The following ADGRA3 variants were observed in gnomAD, a reference collection of about 807,000 sequenced individuals.
ADGRA3 encodes the protein adhesion G protein-coupled receptor A3.
Under a neutral mutation model 119.8 loss-of-function variants are expected in ADGRA3, and 56 were observed. The observed-to-expected ratio is 0.47, with a 90% CI of 0.38 to 0.58. ADGRA3 has a LOEUF of 0.58. Ranked by LOEUF, ADGRA3 falls within the 20% of genes least tolerant of loss-of-function variation. The pLI, the probability that ADGRA3 is intolerant of heterozygous loss-of-function variation, is 0.00. For synonymous variants in ADGRA3, 607 were observed against 623.8 expected, an observed-to-expected ratio of 0.97 and a Z score of 0.40; for missense variants, 1,516 against 1,649.0, an observed-to-expected ratio of 0.92 and a Z score of 1.40.
chr4:22,456,942 T>A (rs1288521508), intron 3 of ADGRA3, among the ~76,000 whole-genome samples: 2 of 152,206 alleles, frequency 1.3e-5, no homozygotes, highest in Non-Finnish European at 2.9e-5. Flanking sequence ...AAATCCCAGT[T>A]GATTTTCCTT....
intron 10 of ADGRA3, among the ~76,000 whole-genome samples, chr4:22,428,145 G>A (rs114300155): frequency 0.01 from 1,557 of 152,168 alleles, 13 homozygotes; most frequent in Middle Eastern, 0.048. Flanking sequence ...TAAACTTGAT[G>A]ATATTTAATG....
At chr4:22,425,925 A>G (rs1715913416) in intron 10 of ADGRA3, among the ~76,000 whole-genome samples, 1 of 152,220 alleles carries the variant, frequency 6.6e-6, no homozygotes, top group Non-Finnish European at 1.5e-5. Context: ...GCTGACCGTG[A>G]GTACCTAGCC....
intron 1 of ADGRA3, among the ~76,000 whole-genome samples, chr4:22,484,031 AACCTAAC>A (rs1198879091): frequency 1.3e-5 from 2 of 152,192 alleles, no homozygotes; most frequent in South Asian, 2.1e-4. Context: ...AAAAATGCAA[AACCTAAC>A]ACAGGCATCC....
Position 22,455,255 on chromosome 4 carries a change from C to T in ADGRA3, c.402-318G>A, listed in dbSNP as rs534011978. Among the ~76,000 whole-genome samples the T allele has an allele frequency of 3.9e-5, 6 of 152,192 alleles. No homozygotes were observed. The East Asian group carries it at 9.7e-4, about 25-fold the overall frequency. On this transcript the variant is annotated intron_variant, in intron 3 of 18. Transcript: ENST00000334304. ...GAGACTCAAACTATTTTGCTGCCTG[C>T]AATACAATTCCTTAGATGACCTACA...
chr4:22,420,509 T>C (rs190632504), intron 12 of ADGRA3: 73 of 259,534 alleles, frequency 2.8e-4, no homozygotes, highest in Non-Finnish European at 4.5e-4. Flanking sequence ...AGGCTCATGA[T>C]ACTTTTAGGG....
At chr4:22,502,286 G>C (rs1174371584) in intron 1 of ADGRA3, among the ~76,000 whole-genome samples, 1 of 152,176 alleles carries the variant, frequency 6.6e-6, no homozygotes, top group Non-Finnish European at 1.5e-5. Flanking sequence ...ACCAGAAGAG[G>C]AAGAAGTATG....
intron 14 of ADGRA3, among the ~76,000 whole-genome samples, chr4:22,410,165 A>T (rs2109019275): frequency 6.6e-6 from 1 of 152,330 alleles, no homozygotes; most frequent in East Asian, 1.9e-4. Context: ...CTCTAGTTTC[A>T]TATTTTTAGG....
intron 10 of ADGRA3, among the ~76,000 whole-genome samples, chr4:22,430,911 A>C (rs1459262271): frequency 6.6e-6 from 1 of 152,158 alleles, no homozygotes; most frequent in Non-Finnish European, 1.5e-5. Context: ...CCATGACTAA[A>C]AGGGGCCAAG....
chr4:22,405,748 T>C (rs1352952259), intron 14 of ADGRA3, among the ~76,000 whole-genome samples: 1 of 152,184 alleles, frequency 6.6e-6, no homozygotes, highest in African/African-American at 2.4e-5. Flanking sequence ...ATGTTTTTAT[T>C]GACACATAAT....
At chr4:22,426,198 A>G (rs370512309) in intron 10 of ADGRA3, among the ~76,000 whole-genome samples, 9 of 152,090 alleles carry the variant, frequency 5.9e-5, no homozygotes, top group East Asian at 1.9e-4. Flanking sequence ...TAAAAATAGG[A>G]CCAATGCATC....
intron 2 of ADGRA3, among the ~76,000 whole-genome samples, 166 bp downstream of exon 2, chr4:22,473,606 C>T (rs527985004): frequency 2.1e-4 from 32 of 152,220 alleles, no homozygotes; most frequent in African/African-American, 7.0e-4. Flanking sequence ...AATTTAGTTA[C>T]TTCTTTTTTA....
At chr4:22,497,356 TA>T (rs112332021) in intron 1 of ADGRA3, among the ~76,000 whole-genome samples, 2,902 of 145,320 alleles carry the variant, frequency 0.02, 99 homozygotes, top group African/African-American at 0.068. Flanking sequence ...ATCTTCACTA[TA>T]AAAAAAAAAA....
intron 3 of ADGRA3, among the ~76,000 whole-genome samples, chr4:22,458,809 T>A (rs1183606722): frequency 6.6e-6 from 1 of 152,142 alleles, no homozygotes; most frequent in African/African-American, 2.4e-5. Flanking sequence ...ACTTGTTCCA[T>A]TAAAAGTCTT....
chr4:22,488,302 T>G (rs1415009128), intron 1 of ADGRA3, among the ~76,000 whole-genome samples: 1 of 151,850 alleles, frequency 6.6e-6, no homozygotes, highest in Non-Finnish European at 1.5e-5. Context: ...CTACCCTTGG[T>G]GCAGAACATT....
At chr4:22,462,879 G>A (rs1004573790) in intron 2 of ADGRA3, among the ~76,000 whole-genome samples, 2 of 152,178 alleles carry the variant, frequency 1.3e-5, no homozygotes, top group Non-Finnish European at 2.9e-5. Context: ...CCTCCTGGTG[G>A]CTGGGCTCAG....
At chr4:22,396,623 G>A (rs907789620) in intron 16 of ADGRA3, among the ~76,000 whole-genome samples, 11 of 152,242 alleles carry the variant, frequency 7.2e-5, no homozygotes, top group East Asian at 1.9e-4. Context: ...GCTCTCGGCC[G>A]GTGATTACCT....
At chr4:22,408,454 T>G (rs927169863) in intron 14 of ADGRA3, among the ~76,000 whole-genome samples, 1 of 151,748 alleles carries the variant, frequency 6.6e-6, no homozygotes, top group African/African-American at 2.4e-5. Context: ...ATTAAGAAAA[T>G]GAAAGACAAC....
chr4:22,424,626 G>A (rs928202572), intron 10 of ADGRA3, among the ~76,000 whole-genome samples: 2 of 152,150 alleles, frequency 1.3e-5, no homozygotes, highest in Non-Finnish European at 2.9e-5. Context: ...TCAAATGGAG[G>A]AAAAGAAAGG....
intron 10 of ADGRA3, 32 bp downstream of exon 10, chr4:22,435,279 T>G: frequency 6.4e-7 from 1 of 1,566,322 alleles, no homozygotes; most frequent in Non-Finnish European, 8.8e-7. Flanking sequence ...TTGTTGACAC[T>G]GTATGCTACA....
Sources: allele counts gnomAD v4.1 joint callset (sites outside exome capture counted in the v4.1 genomes callset), GRCh38; gene constraint gnomAD v4.1.1; transcripts MANE v1.5; gene names NCBI Gene and HGNC (gene_info 2026-07-23, HGNC 2026-07-21).